MSN: variants seen among roughly 807,000 people sequenced by gnomAD.
MSN encodes the protein epididymis luminal protein 70.
In MSN, 2 loss-of-function variants were observed where a neutral mutation model predicts 48.0. The ratio of observed to expected loss-of-function variants is 0.04; its 90% CI spans 0.02 to 0.13. The LOEUF (loss-of-function observed/expected upper bound fraction) is 0.13, where lower values mean the gene tolerates loss of function less well. Ranked by LOEUF, MSN falls within the 10% of genes least tolerant of loss-of-function variation. MSN has a pLI of 1.00. For missense variants in MSN, 267 were observed against 470.1 expected, an observed-to-expected ratio of 0.57 and a Z score of 3.99; for synonymous variants, 146 against 166.9, an observed-to-expected ratio of 0.87 and a Z score of 0.97.
intron 1 of MSN, among the ~76,000 whole-genome samples, chrX:65,708,582 C>T (rs1024442131): frequency 1.4e-4 from 16 of 111,228 alleles, no homozygotes; most frequent in African/African-American, 4.6e-4. Context: ...TGTGAGCCAC[C>T]GTGCTTGGCG....
At chrX:65,714,169 T>C (rs561400477) in intron 1 of MSN, among the ~76,000 whole-genome samples, 1 of 112,241 alleles carries the variant, frequency 8.9e-6, no homozygotes, top group African/African-American at 3.2e-5. Context: ...GATCTTGTTG[T>C]TTTTTATGGC....
chrX:65,699,839 G>A (rs1478785390), intron 1 of MSN, among the ~76,000 whole-genome samples: 1 of 110,902 alleles, frequency 9.0e-6, no homozygotes, highest in Non-Finnish European at 1.9e-5. Flanking sequence ...ACTTGGAAAG[G>A]TAAAGAACAG....
At chrX:65,642,134 C>CAAAAAAAAAA (rs1220561125) in intron 1 of MSN, among the ~76,000 whole-genome samples, 19 of 59,518 alleles carry the variant, frequency 3.2e-4, no homozygotes, top group Admixed American at 5.0e-4. Flanking sequence ...AACTCCATCT[C>CAAAAAAAAAA]AAAAAAAAAA....
intron 1 of MSN, among the ~76,000 whole-genome samples, chrX:65,597,405 G>A (rs1186096008): frequency 9.2e-6 from 1 of 108,552 alleles, no homozygotes; most frequent in Non-Finnish European, 1.9e-5. Flanking sequence ...GGAGTCCAGT[G>A]GTGTGATCAC....
intron 1 of MSN, among the ~76,000 whole-genome samples, chrX:65,606,604 G>A (rs2070281502): frequency 8.9e-6 from 1 of 111,942 alleles, no homozygotes; most frequent in Non-Finnish European, 1.9e-5. Context: ...TGTATTTTTA[G>A]TAGACGAGGT....
chrX:65,588,890 G>A (rs1049887926), intron 1 of MSN: 5 of 134,503 alleles, frequency 3.7e-5, no homozygotes, highest in African/African-American at 1.6e-4. Context: ...TCCCAGGCAA[G>A]GGACTCATTA....
intron 1 of MSN, among the ~76,000 whole-genome samples, chrX:65,643,879 C>A (rs2070676401): frequency 9.0e-6 from 1 of 111,652 alleles, no homozygotes; most frequent in African/African-American, 3.3e-5. Flanking sequence ...TTCTGGTTTG[C>A]CTGGGACTTT....
intron 1 of MSN, among the ~76,000 whole-genome samples, chrX:65,647,242 T>C (rs2148372730): frequency 9.5e-6 from 1 of 105,430 alleles, no homozygotes; most frequent in African/African-American, 3.5e-5. Flanking sequence ...GATGGAGTCT[T>C]GCACTGTCAT....
intron 10 of MSN, among the ~76,000 whole-genome samples, chrX:65,738,022 GTC>G (rs2071695640): frequency 1.8e-5 from 2 of 112,488 alleles, no homozygotes; most frequent in East Asian, 2.8e-4. Context: ...ACCAAGACCT[GTC>G]TCTCATGAGG....
intron 1 of MSN, among the ~76,000 whole-genome samples, chrX:65,700,684 C>T (rs2071293486): frequency 1.8e-5 from 2 of 112,133 alleles, no homozygotes; most frequent in South Asian, 7.4e-4. Flanking sequence ...TAGAAAATAG[C>T]AGTTGGTTCC....
At chrX:65,607,739 A>G (rs193246135) in intron 1 of MSN, among the ~76,000 whole-genome samples, 1 of 111,024 alleles carries the variant, frequency 9.0e-6, no homozygotes, top group African/African-American at 3.3e-5. Context: ...CCTCACTTCC[A>G]ATTCTGCCCT....
chrX:65,652,444 C>A (rs1441615953), intron 1 of MSN, among the ~76,000 whole-genome samples: 1 of 111,399 alleles, frequency 9.0e-6, no homozygotes, highest in Non-Finnish European at 1.9e-5. Flanking sequence ...AGAGTAAGAC[C>A]TCTCCAGTTT....
chrX:65,644,295 T>A (rs1322513963), intron 1 of MSN, among the ~76,000 whole-genome samples: 2 of 111,136 alleles, frequency 1.8e-5, no homozygotes, highest in African/African-American at 6.6e-5. Flanking sequence ...TTCCCCTAAA[T>A]CCTAGGATAT....
chrX:65,739,777 G>T lies in MSN; in HGVS notation c.1618G>T (p.Ala540Ser), dbSNP rs753213978. 20 of 1,211,234 alleles carry T rather than the reference G, an allele frequency of 1.7e-5. No individual in the cohort carries two copies. The highest frequency in any genetic ancestry group is 2.2e-5 in the Non-Finnish European group (20 of 895,196). The change falls in exon 13 of 13, where the codon GCC becomes TCC. Residue 540 changes from alanine (A) to serine (S), a missense_variant. Ala to Ser is a moderately conservative substitution (Grantham distance 99). This residue lies in a region of MSN where 48 missense variants were observed against 115.5 expected (regional missense o/e 0.42). Coordinates refer to ENST00000360270, the MANE Select transcript of MSN (RefSeq NM_002444.3). ...ANARDESKKT[A>S]NDMIHAENMR... ...TGCCAGAGATGAGTCCAAGAAGACT[G>T]CCAATGACATGATCCATGCTGAGAA... is the stretch of plus-strand genomic sequence containing the variant.
intron 1 of MSN, among the ~76,000 whole-genome samples, chrX:65,654,850 C>T (rs2070770178): frequency 1.8e-5 from 2 of 111,517 alleles, no homozygotes; most frequent in South Asian, 7.6e-4. Flanking sequence ...TCACCTATGA[C>T]TGTTTTTTCA....
chrX:65,590,105 G>T (rs745363160), intron 1 of MSN, among the ~76,000 whole-genome samples: 1 of 110,620 alleles, frequency 9.0e-6, no homozygotes, highest in East Asian at 2.8e-4. Context: ...GTGAGCCACC[G>T]GGGCCGGCCA....
chrX:65,612,673 G>T (rs1009421007), intron 1 of MSN, among the ~76,000 whole-genome samples: 1 of 108,810 alleles, frequency 9.2e-6, no homozygotes, highest in Non-Finnish European at 1.9e-5. Flanking sequence ...CGATCCTCCT[G>T]CCTCAGCTTC....
chrX:65,661,685 A>G (rs745544654), intron 1 of MSN, among the ~76,000 whole-genome samples: 1 of 111,855 alleles, frequency 8.9e-6, no homozygotes, highest in East Asian at 2.8e-4. Flanking sequence ...TTTCAGTAGA[A>G]CTGGTACCAG....
At chrX:65,649,590 T>A (rs57053498) in intron 1 of MSN, among the ~76,000 whole-genome samples, 11,089 of 92,358 alleles carry the variant, frequency 0.12, 2,052 homozygotes, top group African/African-American at 0.44. Flanking sequence ...AAAAAAAAAA[T>A]ATATATATAT....
Sources: gnomAD v4.1 joint callset for allele counts (sites outside exome capture counted in the v4.1 genomes callset) on GRCh38, gnomAD v4.1.1 for gene constraint, gnomAD v4.1.1 regional missense constraint, MANE v1.5 for transcripts, NCBI Gene and HGNC (gene_info 2026-07-23, HGNC 2026-07-21) for gene names.